Variants in KLK4 observed in about 807,000 individuals in gnomAD.
KLK4 encodes the protein kallikrein-4.
A neutral mutation model predicts 24.3 loss-of-function variants in KLK4; 24 were observed. The observed-to-expected ratio is 0.99, with a 90% CI of 0.72 to 1.39. The LOEUF (loss-of-function observed/expected upper bound fraction) is 1.39, where lower values mean the gene tolerates loss of function less well. KLK4 is among the 40% of genes most tolerant of loss of function. The pLI is 0.00. For missense variants in KLK4, 344 were observed against 327.4 expected, an observed-to-expected ratio of 1.05 and a Z score of -0.39; for synonymous variants, 142 against 138.8, an observed-to-expected ratio of 1.02 and a Z score of -0.16.
intron 2 of KLK4, among the ~76,000 whole-genome samples, 191 bp from the exon 3 acceptor site, chr19:50,909,605 T>G (rs1351505973): frequency 1.1e-5 from 1 of 88,040 alleles, no homozygotes; most frequent in African/African-American, 4.6e-5. Flanking sequence ...AGCAGGGGCG[T>G]GGTCAGGGCT....
Position 50,909,442 on chromosome 19 carries a change from G to T in KLK4, c.62-28C>A, listed in dbSNP as rs749859547. ...GAGGGCGGAGTCAGGGATGGGATCG[G>T]GACCAGGAGGCGGGCCCAGGGTTCC... On this transcript the variant is annotated intron_variant, in intron 2 of 5. Transcript: ENST00000324041. 2.4e-5 allele frequency: 39 copies of T among 1,612,906 alleles called. No individual in the cohort carries two copies. In the East Asian group the frequency reaches 8.0e-4, roughly 33 times the overall value.
At position 50,910,546 on chromosome 19, in the gene KLK4, G is replaced by T. The variant is rs198969; in HGVS notation, c.61+132C>A. ...AGGAGTTGCAGGGGCACAGCCATGG[G>T]GGACGGATAACACGGTACCGTCTCA... is the stretch of plus-strand genomic sequence containing the variant. On this transcript the variant is annotated intron_variant, in intron 2 of 5. Coordinates refer to ENST00000324041, the Ensembl canonical transcript of KLK4. This position sits in a 1 kb window ranked among gnomAD's most constrained non-coding sequence, Gnocchi z 4.4. The T allele has an allele frequency of 1.9e-5, 16 of 829,304 alleles. No individual in the cohort carries two copies. The highest frequency in any genetic ancestry group is 5.1e-5 in the African/African-American group (3 of 58,994). The allele number at this position is 829,304 out of a possible 1,614,324, so 51.4% of individuals were successfully genotyped here.
chr19:50,908,790 G>A (rs1169723311), exon 4 of KLK4: 1 of 1,613,228 alleles, frequency 6.2e-7, no homozygotes, highest in Non-Finnish European at 8.5e-7. Context: ...GCTCTTGGTC[G>A]GCCTCAAGAC....
exon 4 of KLK4, chr19:50,908,609 G>A: frequency 1.2e-6 from 2 of 1,614,236 alleles, no homozygotes; most frequent in Middle Eastern, 1.6e-4. Context: ...CCAGAAACGA[G>A]GCAAGAGTTC....
chr19:50,908,877 C>A (rs372755721), intron 3 of KLK4, 48 bp from the exon 4 acceptor site: 3 of 1,602,054 alleles, frequency 1.9e-6, no homozygotes, highest in Admixed American at 1.7e-5. Flanking sequence ...TACATCCTTA[C>A]CTCCATTCTC....
chr19:50,906,966 CAG>C lies in KLK4; in HGVS notation c.731_732del (p.Thr244ArgfsTer19). 1 of 1,614,178 alleles carries C rather than the reference CAG, an allele frequency of 6.2e-7. No individual in the cohort carries two copies. Among genetic ancestry groups the C allele is most frequent in the Non-Finnish European group, 8.5e-7 (1 of 1,180,036 alleles). On this transcript the variant is annotated frameshift_variant, in exon 6 of 6. Coordinates refer to ENST00000324041, the Ensembl canonical transcript of KLK4. LOFTEE classifies it low-confidence loss of function (END_TRUNC). The stretch of plus-strand genomic sequence containing the variant: ...GCCTGGACGGTTTTCTCTATCCACT[CAG>C]TGAATTTGCAGAGGTTGGTGTAGAC...
intron 5 of KLK4, among the ~76,000 whole-genome samples, chr19:50,907,374 T>C (rs12984696): frequency 6.6e-6 from 1 of 151,806 alleles, no homozygotes; most frequent in Non-Finnish European, 1.5e-5. Flanking sequence ...TGTTTATCTG[T>C]CTCAGTGTCT....
chr19:50,909,385 T>A (rs1568515055), exon 3 of KLK4: 1 of 1,614,062 alleles, frequency 6.2e-7, no homozygotes, highest in East Asian at 2.2e-5. Flanking sequence ...CCGTTTATGA[T>A]TTGGCTGCAG....
intron 1 of KLK4, among the ~76,000 whole-genome samples, 129 bp downstream of exon 1, chr19:50,911,210 T>A (rs1233362965): frequency 6.6e-6 from 1 of 152,118 alleles, no homozygotes; most frequent in African/African-American, 2.4e-5. Flanking sequence ...CTAGAGACAG[T>A]GAGAGATCTG....
rs1001575604 is a variant in KLK4, at chr19:50,906,846, A to AG, written c.*87dup. 9.3e-5 allele frequency: 144 copies of AG among 1,540,182 alleles called. 1 individual carries two copies. In the African/African-American group the frequency reaches 1.7e-3, roughly 19 times the overall value. The stretch of plus-strand genomic sequence containing the variant: ...CTGGGGGCCTGGACTCCTGGGCCTG[A>AG]GGGAGGAGGGGCTGGGAACAGATAT... On this transcript the variant is annotated 3_prime_UTR_variant, in exon 6 of 6. Coordinates refer to ENST00000324041, the Ensembl canonical transcript of KLK4.
chr19:50,907,911 T>A, intron 5 of KLK4: 1 of 251,560 alleles, frequency 4.0e-6, no homozygotes. Flanking sequence ...ACAGACGAAC[T>A]GTGTAGCTTA....
intron 2 of KLK4, among the ~76,000 whole-genome samples, chr19:50,909,743 G>A (rs1022548423): frequency 8.6e-5 from 13 of 151,936 alleles, no homozygotes; most frequent in African/African-American, 2.9e-4. Flanking sequence ...GGCTGGTCCA[G>A]GATATAGGCC....
chr19:50,907,086 C>T, exon 6 of KLK4: 1 of 1,614,034 alleles, frequency 6.2e-7, no homozygotes, highest in Non-Finnish European at 8.5e-7. Context: ...CCAGAGTCAC[C>T]CTGTTGTGAA....
At chr19:50,908,295 G>C in intron 5 of KLK4, 64 bp downstream of exon 5, 1 of 1,594,188 alleles carries the variant, frequency 6.3e-7, no homozygotes, top group Non-Finnish European at 8.5e-7. Flanking sequence ...GGCCCTGTGT[G>C]TCTCTGTCTC....
exon 3 of KLK4, chr19:50,909,378 T>C: frequency 6.2e-7 from 1 of 1,614,098 alleles, no homozygotes; most frequent in Non-Finnish European, 8.5e-7. Context: ...GTCCTCGCCG[T>C]TTATGATTTG....
rs1207011204 is a variant in KLK4 at position 50,909,700 on chromosome 19, T to A, written c.62-286A>T. Among the ~76,000 whole-genome samples, 4 of 147,076 alleles carry A rather than the reference T, an allele frequency of 2.7e-5. No homozygotes were observed. In the South Asian group the frequency reaches 8.7e-4, roughly 32 times the overall value. On this transcript the variant is annotated intron_variant, in intron 2 of 5. Coordinates refer to ENST00000324041, the Ensembl canonical transcript of KLK4. Reference sequence around the variant, plus strand: ...GGACCCAGGGCTCCTGGGGGTGGGGTTATGGTGCAGGGGTCATGATCGGAG... The same window carrying A: ...GGACCCAGGGCTCCTGGGGGTGGGGATATGGTGCAGGGGTCATGATCGGAG...
At chr19:50,908,251 CTG>C in intron 5 of KLK4, 106 bp downstream of exon 5, 3 of 1,298,530 alleles carry the variant, frequency 2.3e-6, no homozygotes, top group Non-Finnish European at 3.3e-6. Context: ...CACTGTCTCC[CTG>C]TGTGTCTCTC....
intron 5 of KLK4, 28 bp downstream of exon 5, chr19:50,908,331 G>A (rs1232021299): frequency 2.5e-6 from 4 of 1,609,992 alleles, no homozygotes; most frequent in Non-Finnish European, 3.4e-6. Context: ...TCCCTGAGTC[G>A]CCTGCCCTCC....
chr19:50,910,082 G>A lies in KLK4; in HGVS notation c.61+596C>T, dbSNP rs2090474311. On this transcript the variant is annotated intron_variant, in intron 2 of 5. Coordinates refer to ENST00000324041, the Ensembl canonical transcript of KLK4. The surrounding 1 kb of genome is among the most constrained non-coding windows in gnomAD (Gnocchi z 4.4). ...GTCTAGGCTCATAGCAGTAGGATCG[G>A]GTCCTTCGGGGTGAATTAAAGCTCA... Among the ~76,000 whole-genome samples the A allele has an allele frequency of 6.6e-6, 1 of 151,992 alleles. No individual in the cohort carries two copies. The highest frequency in any genetic ancestry group is 2.4e-5 in the African/African-American group (1 of 41,350).
Sources: allele counts gnomAD v4.1 joint callset (sites outside exome capture counted in the v4.1 genomes callset), GRCh38; gene constraint gnomAD v4.1.1; non-coding constraint Gnocchi (gnomAD v3.1); transcripts MANE v1.5; gene names NCBI Gene and HGNC (gene_info 2026-07-23, HGNC 2026-07-21).